Variants in TTC39B observed in about 807,000 individuals in gnomAD.
TTC39B encodes tetratricopeptide repeat protein 39B.
In TTC39B, 92 loss-of-function variants were observed where a neutral mutation model predicts 96.6. The observed-to-expected ratio is 0.95, with a 90% CI of 0.80 to 1.13. TTC39B has a LOEUF of 1.13. TTC39B is among the 50% of genes most tolerant of loss of function. The probability of loss-of-function intolerance (pLI) is 0.00; values close to 1 mark genes in which losing one functional copy is unlikely to be tolerated. For missense variants in TTC39B, 955 were observed against 809.3 expected (o/e 1.18, Z -2.18); for synonymous variants, 367 against 299.4 (o/e 1.23, Z -2.33).
chr9:15,215,508 G>C (rs2131366429), intron 3 of TTC39B, among the ~76,000 whole-genome samples: 1 of 152,156 alleles, frequency 6.6e-6, no homozygotes, highest in African/African-American at 2.4e-5. Flanking sequence ...AATGAGCCAA[G>C]ATTGCACCAC....
rs536962781 is a variant in TTC39B, at chr9:15,270,542, C to A, written c.241-2594G>T. Reference sequence around the variant, plus strand: ...CGCAAAGGATAACTTGGGAAGCCAACCCTCCGTGTAAAGAAGATAAGACTA... The same window carrying A: ...CGCAAAGGATAACTTGGGAAGCCAAACCTCCGTGTAAAGAAGATAAGACTA... On this transcript the variant is annotated intron_variant, in intron 1 of 19. Coordinates refer to ENST00000512701, the Ensembl canonical transcript of TTC39B. Among the ~76,000 whole-genome samples the A allele has an allele frequency of 1.1e-4, 16 of 151,774 alleles. No homozygotes were observed. The South Asian group carries it at 2.9e-3, about 28-fold the overall frequency.
At chr9:15,233,031 A>C (rs1017147405) in intron 2 of TTC39B, among the ~76,000 whole-genome samples, 1 of 152,186 alleles carries the variant, frequency 6.6e-6, no homozygotes, top group Non-Finnish European at 1.5e-5. Flanking sequence ...TGGATAGGGA[A>C]AGAGGAAATT....
chr9:15,258,580 T>C (rs1473834941), intron 2 of TTC39B, among the ~76,000 whole-genome samples: 3 of 152,168 alleles, frequency 2.0e-5, no homozygotes, highest in Non-Finnish European at 4.4e-5. Context: ...AGGTTACTTA[T>C]GGAGGAGGCA....
At chr9:15,196,282 A>G (rs767291265) in intron 8 of TTC39B, among the ~76,000 whole-genome samples, 22 of 152,232 alleles carry the variant, frequency 1.4e-4, no homozygotes, top group Non-Finnish European at 2.8e-4. Context: ...AAGTCTTATT[A>G]TTTAAGAAGT....
intron 2 of TTC39B, among the ~76,000 whole-genome samples, chr9:15,236,886 A>G (rs1371390457): frequency 6.6e-6 from 1 of 152,218 alleles, no homozygotes; most frequent in African/African-American, 2.4e-5. Flanking sequence ...GAAAGACCTC[A>G]AATTAACAAC....
At chr9:15,168,228 T>A (rs1269610031) in exon 20 of TTC39B, 6 of 152,166 alleles carry the variant, frequency 3.9e-5, no homozygotes, top group Non-Finnish European at 8.8e-5. Flanking sequence ...GCTACTGTAC[T>A]GGACAGAGCA....
intron 2 of TTC39B, among the ~76,000 whole-genome samples, chr9:15,244,197 A>G (rs1392176056): frequency 6.6e-6 from 1 of 152,242 alleles, no homozygotes; most frequent in Non-Finnish European, 1.5e-5. Context: ...CTGATTTTTT[A>G]AATTAAAAAC....
intron 2 of TTC39B, among the ~76,000 whole-genome samples, chr9:15,258,380 T>C (rs1308025898): frequency 6.6e-6 from 1 of 152,150 alleles, no homozygotes; most frequent in African/African-American, 2.4e-5. Flanking sequence ...GGTGGAGACA[T>C]TTACAGAAAA....
intron 16 of TTC39B, chr9:15,183,317 A>G (rs1242773912): frequency 4.7e-6 from 2 of 428,300 alleles, no homozygotes; most frequent in Non-Finnish European, 9.1e-6. Flanking sequence ...CTAATAGAGC[A>G]AGAGTTCAAT....
intron 2 of TTC39B, among the ~76,000 whole-genome samples, chr9:15,265,351 GTCC>G (rs1491000235): frequency 1.3e-5 from 2 of 152,120 alleles, no homozygotes; most frequent in African/African-American, 4.8e-5. Context: ...AGTGAGACCC[GTCC>G]TCCTCTGTGA....
intron 2 of TTC39B, among the ~76,000 whole-genome samples, chr9:15,262,602 T>C (rs983281630): frequency 3.9e-5 from 6 of 152,132 alleles, no homozygotes; most frequent in African/African-American, 1.4e-4. Context: ...ATAGTTAAAA[T>C]AACACAATCG....
At chr9:15,236,591 A>C (rs536175709) in intron 2 of TTC39B, among the ~76,000 whole-genome samples, 9 of 152,362 alleles carry the variant, frequency 5.9e-5, no homozygotes, top group African/African-American at 2.2e-4. Context: ...AGTCTCAATA[A>C]AATCAAATAA....
Position 15,306,954 on chromosome 9 carries a change from C to T in TTC39B, c.240+130G>A. ...CAAGGCCGGGCGCCCCCACCCGGCG[C>T]CCGCCAGCCCACCCCAGAGAGGGGA... On this transcript the variant is annotated intron_variant, in intron 1 of 19. Transcript: ENST00000512701. This position sits in a 1 kb window ranked among gnomAD's most constrained non-coding sequence, Gnocchi z 5.1. 2.9e-6 allele frequency: 4 copies of T among 1,390,104 alleles called. No individual in the cohort carries two copies. Among genetic ancestry groups the T allele is most frequent in the Non-Finnish European group, 3.8e-6 (4 of 1,039,178 alleles). 86.1% of individuals were successfully genotyped at this position (1,390,104 alleles called of 1,614,324 possible).
intron 2 of TTC39B, among the ~76,000 whole-genome samples, chr9:15,260,217 G>A (rs945678761): frequency 1.3e-5 from 2 of 150,488 alleles, no homozygotes; most frequent in South Asian, 4.2e-4. Context: ...GTGCCTTCCT[G>A]CAAGATGATT....
At chr9:15,257,253 T>G (rs1221654110) in intron 2 of TTC39B, among the ~76,000 whole-genome samples, 2 of 152,200 alleles carry the variant, frequency 1.3e-5, no homozygotes, top group Non-Finnish European at 2.9e-5. Flanking sequence ...GTCTTTGTTT[T>G]GAAGAAATAT....
At chr9:15,261,482 C>A (rs199580658) in intron 2 of TTC39B, among the ~76,000 whole-genome samples, 1 of 148,758 alleles carries the variant, frequency 6.7e-6, no homozygotes, top group South Asian at 2.1e-4. Context: ...CAAAAAAAAA[C>A]AAAAACAAAA....
At chr9:15,181,869 T>C (rs1286148637) in intron 17 of TTC39B, among the ~76,000 whole-genome samples, 1 of 152,114 alleles carries the variant, frequency 6.6e-6, no homozygotes, top group Non-Finnish European at 1.5e-5. Context: ...AGAGTAACCA[T>C]TCAATGGTTT....
chr9:15,173,958 C>T lies in TTC39B; in HGVS notation c.1958+1061G>A, dbSNP rs181971607. Reference sequence around the variant, plus strand: ...CATTGACCCAGTGGCTCAACCTCCTCAATGCAGATGTTCACTAACTGTGAC... The same window carrying T: ...CATTGACCCAGTGGCTCAACCTCCTTAATGCAGATGTTCACTAACTGTGAC... On this transcript the variant is annotated intron_variant, in intron 19 of 19. Transcript: ENST00000512701. Among the ~76,000 whole-genome samples the T allele has an allele frequency of 1.1e-4, 16 of 152,288 alleles. No individual in the cohort carries two copies. The East Asian group carries it at 1.4e-3, about 13-fold the overall frequency.
intron 2 of TTC39B, chr9:15,249,940 T>G (rs1047707861): frequency 4.7e-6 from 6 of 1,283,026 alleles, no homozygotes; most frequent in Non-Finnish European, 6.1e-6. Context: ...GCTGTAACTT[T>G]GGAGGAATGA....
Sources: allele counts gnomAD v4.1 joint callset (sites outside exome capture counted in the v4.1 genomes callset), GRCh38; gene constraint gnomAD v4.1.1; non-coding constraint Gnocchi (gnomAD v3.1); transcripts MANE v1.5; gene names NCBI Gene and HGNC (gene_info 2026-07-23, HGNC 2026-07-21).